Variants in ROBO2 observed in about 807,000 individuals in gnomAD.
ROBO2 encodes roundabout guidance receptor 2.
In ROBO2, 53 loss-of-function variants were observed where a neutral mutation model predicts 160.8. The observed-to-expected ratio is 0.33, with a 90% CI of 0.26 to 0.41. ROBO2 has a LOEUF of 0.41. Ranked by LOEUF, ROBO2 falls within the 10% of genes least tolerant of loss-of-function variation. The pLI, the probability that ROBO2 is intolerant of heterozygous loss-of-function variation, is 1.00. For synonymous variants in ROBO2, 664 were observed against 611.7 expected (o/e 1.09, Z -1.26); for missense variants, 1,577 against 1,722.4 (o/e 0.92, Z 1.49).
At chr3:75,930,316 C>T (rs114447053) in intron 1 of ROBO2, among the ~76,000 whole-genome samples, 8 of 152,230 alleles carry the variant, frequency 5.3e-5, no homozygotes, top group African/African-American at 1.4e-4. Context: ...CTCCTTGGGA[C>T]ACAGCTGCTG....
intron 2 of ROBO2, among the ~76,000 whole-genome samples, chr3:76,844,347 C>A (rs1375965150): frequency 6.6e-6 from 1 of 151,808 alleles, no homozygotes; most frequent in Non-Finnish European, 1.5e-5. Context: ...GAATTTCATG[C>A]CAACAAATTA....
chr3:77,205,260 G>A (rs1279030529), intron 2 of ROBO2, among the ~76,000 whole-genome samples: 3 of 152,092 alleles, frequency 2.0e-5, no homozygotes, highest in South Asian at 2.1e-4. Flanking sequence ...ATTGAGTGGC[G>A]GAGGTAGCTC....
At chr3:76,751,652 AAAG>A (rs2060657080) in intron 2 of ROBO2, among the ~76,000 whole-genome samples, 1 of 152,162 alleles carries the variant, frequency 6.6e-6, no homozygotes, top group Non-Finnish European at 1.5e-5. Flanking sequence ...ACACTTCTCA[AAAG>A]AAGACATTTA....
At chr3:76,057,884 T>G (rs2107854573) in intron 2 of ROBO2, among the ~76,000 whole-genome samples, 1 of 152,326 alleles carries the variant, frequency 6.6e-6, no homozygotes, top group South Asian at 2.1e-4. Context: ...TTTAGCTGTG[T>G]TTGTCAGGAA....
At chr3:76,453,683 G>A (rs1007509476) in intron 2 of ROBO2, among the ~76,000 whole-genome samples, 7 of 152,064 alleles carry the variant, frequency 4.6e-5, no homozygotes, top group Non-Finnish European at 7.4e-5. Flanking sequence ...TAAACCTTTC[G>A]AGTTGGTAAT....
chr3:76,473,264 C>G (rs2078761550), intron 2 of ROBO2, among the ~76,000 whole-genome samples: 1 of 152,118 alleles, frequency 6.6e-6, no homozygotes, highest in Non-Finnish European at 1.5e-5. Context: ...AGGCCTTGTT[C>G]AAGTTCTGCC....
chr3:77,130,025 A>G (rs538703102), intron 2 of ROBO2, among the ~76,000 whole-genome samples: 30 of 152,136 alleles, frequency 2.0e-4, no homozygotes, highest in African/African-American at 7.2e-4. Context: ...TTTTTTTATT[A>G]TTGCTCAGAT....
At chr3:77,426,281 A>T (rs908844214) in intron 2 of ROBO2, among the ~76,000 whole-genome samples, 5 of 152,116 alleles carry the variant, frequency 3.3e-5, no homozygotes, top group African/African-American at 1.2e-4. Flanking sequence ...AGGAGAATCG[A>T]TGGGTTTCTA....
At chr3:76,145,887 C>T (rs1463955075) in intron 2 of ROBO2, among the ~76,000 whole-genome samples, 1 of 152,116 alleles carries the variant, frequency 6.6e-6, no homozygotes, top group African/African-American at 2.4e-5. Context: ...TTTACTTTCA[C>T]ACACTAAACT....
At chr3:76,323,558 T>C (rs2072756570) in intron 2 of ROBO2, among the ~76,000 whole-genome samples, 2 of 152,260 alleles carry the variant, frequency 1.3e-5, no homozygotes, top group East Asian at 1.9e-4. Context: ...GCAAACCCTC[T>C]ATTTTAAGAA....
intron 2 of ROBO2, among the ~76,000 whole-genome samples, chr3:76,712,721 G>T (rs2093319382): frequency 6.6e-6 from 1 of 151,506 alleles, no homozygotes; most frequent in African/African-American, 2.4e-5. Context: ...AATGAAAAAA[G>T]CTCTATATTT....
intron 2 of ROBO2, among the ~76,000 whole-genome samples, chr3:77,338,749 A>G (rs1388415915): frequency 6.6e-6 from 1 of 152,188 alleles, no homozygotes; most frequent in Non-Finnish European, 1.5e-5. Flanking sequence ...GTATAGGTCA[A>G]GAAAATTACT....
intron 2 of ROBO2, among the ~76,000 whole-genome samples, chr3:76,565,554 TG>T (rs1284152244): frequency 1.3e-5 from 2 of 152,214 alleles, no homozygotes; most frequent in Non-Finnish European, 2.9e-5. Flanking sequence ...TTCCTTCTGG[TG>T]GTCACAAACA....
At chr3:76,127,157 C>T (rs982680547) in intron 2 of ROBO2, among the ~76,000 whole-genome samples, 1 of 152,114 alleles carries the variant, frequency 6.6e-6, no homozygotes, top group Non-Finnish European at 1.5e-5. Flanking sequence ...CCTTGTGGGA[C>T]AGTCTGTAAG....
chr3:77,292,425 G>A (rs1337202263), intron 2 of ROBO2, among the ~76,000 whole-genome samples: 3 of 151,628 alleles, frequency 2.0e-5, no homozygotes, highest in African/African-American at 7.3e-5. Flanking sequence ...AAACGGATAA[G>A]CTGAGGCTAG....
chr3:76,233,149 T>A (rs942690233), intron 2 of ROBO2, among the ~76,000 whole-genome samples: 13 of 152,102 alleles, frequency 8.5e-5, no homozygotes, highest in African/African-American at 2.2e-4. Context: ...TATTTTTTTT[T>A]AATTTTATTT....
chr3:76,838,450 A>C (rs2148448612), intron 2 of ROBO2, among the ~76,000 whole-genome samples: 2 of 152,234 alleles, frequency 1.3e-5, no homozygotes, highest in East Asian at 3.9e-4. Context: ...AAAATGCCAC[A>C]TAGTTTTTCA....
intron 2 of ROBO2, among the ~76,000 whole-genome samples, chr3:76,055,151 T>A (rs1208212849): frequency 6.6e-6 from 1 of 151,914 alleles, no homozygotes; most frequent in Non-Finnish European, 1.5e-5. Context: ...AACCATCAGA[T>A]CTCATGAGAC....
chr3:76,917,728 G>A (rs1262418649), intron 2 of ROBO2, among the ~76,000 whole-genome samples: 1 of 146,444 alleles, frequency 6.8e-6, no homozygotes, highest in African/African-American at 2.6e-5. Context: ...TATGTAAGGG[G>A]ATAATATCTG....
Sources: gnomAD v4.1 joint callset for allele counts (sites outside exome capture counted in the v4.1 genomes callset) on GRCh38, gnomAD v4.1.1 for gene constraint, MANE v1.5 for transcripts, NCBI Gene and HGNC (gene_info 2026-07-23, HGNC 2026-07-21) for gene names.